Variants in ADGB observed in about 807,000 individuals in gnomAD.
ADGB encodes androglobin, also known as calpain-7-like protein.
A neutral mutation model predicts 210.5 loss-of-function variants in ADGB; 172 were observed. That is an observed-to-expected ratio of 0.82 (90% CI 0.72 to 0.93). The LOEUF is 0.93. ADGB is among the 40% of genes least tolerant of loss of function. The probability of loss-of-function intolerance (pLI) is 0.00; values close to 1 mark genes in which losing one functional copy is unlikely to be tolerated. For missense variants in ADGB, 2,025 were observed against 1,964.8 expected, an observed-to-expected ratio of 1.03 and a Z score of -0.58; for synonymous variants, 658 against 662.7, an observed-to-expected ratio of 0.99 and a Z score of 0.11.
At chr6:146,606,750 A>G (rs1285538018) in intron 1 of ADGB, among the ~76,000 whole-genome samples, 1 of 152,084 alleles carries the variant, frequency 6.6e-6, no homozygotes, top group Non-Finnish European at 1.5e-5. Context: ...AACCTGTTCC[A>G]TTGGCCTGTG....
At chr6:146,614,176 TCTCCCTCCCTCC>T (rs147963385) in intron 1 of ADGB, among the ~76,000 whole-genome samples, 11 of 139,410 alleles carry the variant, frequency 7.9e-5, no homozygotes, top group East Asian at 2.3e-4. Context: ...ACTTGTTTTC[TCTCCCTCCCTCC>T]CTCCCTCCCT....
chr6:146,764,788 G>T (rs1397345297), intron 28 of ADGB, among the ~76,000 whole-genome samples: 1 of 152,070 alleles, frequency 6.6e-6, no homozygotes, highest in African/African-American at 2.4e-5. Flanking sequence ...GAGCTGTGAT[G>T]ATAGTGTTTT....
intron 29 of ADGB, among the ~76,000 whole-genome samples, chr6:146,773,686 C>A (rs997613438): frequency 6.6e-6 from 1 of 152,278 alleles, no homozygotes; most frequent in Admixed American, 6.5e-5. Context: ...TTCGAAGGAG[C>A]AGAGTGAAGG....
At chr6:146,792,800 C>T (rs1777971830) in intron 33 of ADGB, among the ~76,000 whole-genome samples, 3 of 152,160 alleles carry the variant, frequency 2.0e-5, no homozygotes, top group African/African-American at 7.2e-5. Context: ...CACAAAATGT[C>T]TTCAAGACAT....
At chr6:146,690,356 T>C (rs1328723360) in intron 10 of ADGB, among the ~76,000 whole-genome samples, 6 of 152,222 alleles carry the variant, frequency 3.9e-5, no homozygotes, top group African/African-American at 1.4e-4. Flanking sequence ...CAAAATTGAT[T>C]TTAATGTTGT....
chr6:146,691,433 TA>T (rs1562275500), intron 11 of ADGB, 143 bp downstream of exon 11: 2 of 28,490 alleles, frequency 7.0e-5, no homozygotes, highest in African/African-American at 4.9e-4. Flanking sequence ...TATATATATA[TA>T]TATATATAAA....
rs185535858 is a variant in ADGB, at chr6:146,740,982, T to C, written c.3024-136T>C. 6.1e-4 allele frequency: 376 copies of C among 616,438 alleles called. 2 individuals carry two copies. The East Asian group carries it at 0.011, about 18-fold the overall frequency. The allele number at this position is 616,438 out of a possible 1,614,324, so 38.2% of individuals were successfully genotyped here. On this transcript the variant is annotated intron_variant, in intron 24 of 35. Transcript: ENST00000397944. ...AAAATAACATATTAATAGTAATTTT[T>C]AAAAGAAAATAATATGTGTGCCTTT...
intron 5 of ADGB, among the ~76,000 whole-genome samples, chr6:146,661,220 CTTTTTTTTTT>C (rs5880682): frequency 1.7e-5 from 2 of 116,068 alleles, no homozygotes; most frequent in African/African-American, 6.5e-5. Context: ...TTCTTTTTTT[CTTTTTTTTTT>C]TTTTTTTGGA....
At chr6:146,719,375 T>G (rs1776783621) in intron 16 of ADGB, among the ~76,000 whole-genome samples, 1 of 152,226 alleles carries the variant, frequency 6.6e-6, no homozygotes, top group African/African-American at 2.4e-5. Context: ...CACAGAATTT[T>G]TTTTCTTTTA....
intron 4 of ADGB, 126 bp downstream of exon 4, chr6:146,654,332 AT>A (rs1775748872): frequency 7.0e-6 from 3 of 425,772 alleles, no homozygotes; most frequent in African/African-American, 6.2e-5. Context: ...ATATATATAT[AT>A]ATATAATACC....
chr6:146,764,495 T>C (rs1777545611), intron 28 of ADGB, among the ~76,000 whole-genome samples: 5 of 151,982 alleles, frequency 3.3e-5, no homozygotes, highest in Admixed American at 3.3e-4. Flanking sequence ...AAAAAGATAA[T>C]GTACATATTT....
At position 146,788,520 on chromosome 6, in the gene ADGB, G is replaced by A. The variant is rs777981920; in HGVS notation, c.4447G>A (p.Asp1483Asn). ...KKWQLTKGLR[D>N]VAKSTSSESG... ...GTGGCAATTGACCAAAGGCTTGAGG[G>A]ATGTGGCAAAATCCACGAGTAGCGA... Residue 1483 changes from aspartate to asparagine, a missense_variant, in exon 33 of 36, where the codon GAT becomes AAT. Coordinates refer to ENST00000397944, the MANE Select transcript of ADGB (RefSeq NM_024694.4). 1.2e-4 allele frequency: 185 copies of A among 1,551,512 alleles called. No individual in the cohort carries two copies. The highest frequency in any genetic ancestry group is 1.5e-4 in the Non-Finnish European group (177 of 1,146,936).
intron 17 of ADGB, among the ~76,000 whole-genome samples, chr6:146,723,360 T>TA (rs1776848411): frequency 2.0e-5 from 3 of 152,140 alleles, no homozygotes; most frequent in Admixed American, 2.0e-4. Flanking sequence ...CCATTTTTAA[T>TA]AAAAAACTTG....
rs541338104 is a variant in ADGB at position 146,602,481 on chromosome 6, A to G, written c.74+3367A>G. 7.2e-5 allele frequency among the ~76,000 whole-genome samples: 11 copies of G among 152,382 alleles called. No individual in the cohort carries two copies. The South Asian group carries it at 2.3e-3, about 32-fold the overall frequency. ...TTTAACGTAAGATAACTTTAACATA[A>G]CATCACAACTGTCACAGATTATAAC... On this transcript the variant is annotated intron_variant, in intron 1 of 35. Coordinates refer to ENST00000397944, the MANE Select transcript of ADGB (RefSeq NM_024694.4).
chr6:146,808,889 G>A (rs1360313037), intron 35 of ADGB, among the ~76,000 whole-genome samples: 2 of 151,716 alleles, frequency 1.3e-5, no homozygotes, highest in African/African-American at 2.4e-5. Context: ...GTCCAGCGGA[G>A]TCAAAGGATT....
At chr6:146,749,533 T>C (rs1399187436) in intron 26 of ADGB, among the ~76,000 whole-genome samples, 1 of 152,160 alleles carries the variant, frequency 6.6e-6, no homozygotes, top group Non-Finnish European at 1.5e-5. Flanking sequence ...CAGTCAACAC[T>C]GTCAAGTTCT....
intron 35 of ADGB, among the ~76,000 whole-genome samples, chr6:146,811,564 A>T (rs1778303325): frequency 1.3e-5 from 2 of 152,126 alleles, no homozygotes; most frequent in African/African-American, 4.8e-5. Flanking sequence ...TTGTCATTAC[A>T]ATTTAAGTGA....
At chr6:146,738,407 A>T (rs1399973241) in intron 23 of ADGB, among the ~76,000 whole-genome samples, 3 of 146,688 alleles carry the variant, frequency 2.0e-5, no homozygotes, top group Admixed American at 6.8e-5. Flanking sequence ...ATTTAGTCTT[A>T]AGATTGAATC....
chr6:146,745,881 A>G (rs986464268), intron 25 of ADGB, 41 bp from the exon 26 acceptor site: 1 of 1,452,362 alleles, frequency 6.9e-7, no homozygotes. Flanking sequence ...ATAGAATAAT[A>G]ACGACATAAT....
Sources: gnomAD v4.1 joint callset for allele counts (sites outside exome capture counted in the v4.1 genomes callset) on GRCh38, gnomAD v4.1.1 for gene constraint, MANE v1.5 for transcripts, NCBI Gene and HGNC (gene_info 2026-07-23, HGNC 2026-07-21) for gene names.